Variants in ANTXRL observed in about 807,000 individuals in gnomAD.
ANTXRL encodes the protein ANTXR like, also known as anthrax toxin receptor-like.
A neutral mutation model predicts 75.4 loss-of-function variants in ANTXRL; 63 were observed. That is an observed-to-expected ratio of 0.84 (90% CI 0.68 to 1.03). ANTXRL has a LOEUF of 1.03. Among genes scored for constraint, ANTXRL ranks in the 50% least tolerant of loss-of-function variants. The pLI, the probability that ANTXRL is intolerant of heterozygous loss-of-function variation, is 0.00. For missense variants in ANTXRL, 797 were observed against 789.4 expected, an observed-to-expected ratio of 1.01 and a Z score of -0.12; for synonymous variants, 335 against 291.3, an observed-to-expected ratio of 1.15 and a Z score of -1.53.
rs181963859 is a variant in ANTXRL at position 46,329,703 on chromosome 10, G to C, written c.1515G>C (p.Gln505His). 3,294 of 1,535,976 alleles carry C rather than the reference G, an allele frequency of 2.1e-3. 60 individuals carry two copies. In the African/African-American group the frequency reaches 0.033, roughly 16 times the overall value. ...PHSQECLSLP[Q>H]APCSPRMCLR... Reference sequence around the variant, plus strand: ...GCCAGGAGTGCCTTTCCCTACCACAGGCTCCCTGCAGCCCAAGGATGTGCC... The same window carrying C: ...GCCAGGAGTGCCTTTCCCTACCACACGCTCCCTGCAGCCCAAGGATGTGCC... Residue 505 changes from glutamine (Q) to histidine (H), a missense_variant, in exon 17 of 17, where the codon CAG becomes CAC. Around this residue, in one of 3 missense-constraint regions of ANTXRL, gnomAD observed 479 missense variants for 422.0 expected, o/e 1.14. Coordinates refer to ENST00000620264, the MANE Select transcript of ANTXRL (RefSeq NM_001278688.3).
chr10:46,310,847 G>A (rs1838378679), intron 14 of ANTXRL, among the ~76,000 whole-genome samples: 1 of 152,140 alleles, frequency 6.6e-6, no homozygotes, highest in Admixed American at 6.5e-5. Context: ...CGTGTTTCAG[G>A]GACCTGGCCC....
At chr10:46,300,551 A>G (rs34470683) in intron 9 of ANTXRL, among the ~76,000 whole-genome samples, 39,124 of 151,046 alleles carry the variant, frequency 0.26, 4,649 homozygotes, top group African/African-American at 0.33. Context: ...CTCTTAGCAG[A>G]ACCCCCAGGC....
At chr10:46,290,661 T>C (rs1331078996) in intron 1 of ANTXRL, among the ~76,000 whole-genome samples, 1 of 152,200 alleles carries the variant, frequency 6.6e-6, no homozygotes, top group Non-Finnish European at 1.5e-5. Flanking sequence ...GAGGCTTTCA[T>C]TGGCATTTCC....
chr10:46,307,371 G>T (rs1413891560), intron 11 of ANTXRL, 31 bp from the exon 12 acceptor site: 1 of 1,466,168 alleles, frequency 6.8e-7, no homozygotes, highest in African/African-American at 1.4e-5. Context: ...CTCTGGACTG[G>T]CTCTCACCAT....
intron 16 of ANTXRL, among the ~76,000 whole-genome samples, chr10:46,320,708 G>T (rs1838938556): frequency 6.6e-6 from 1 of 152,116 alleles, no homozygotes; most frequent in Non-Finnish European, 1.5e-5. Flanking sequence ...CTCCAGCATG[G>T]GGTACACAGG....
chr10:46,293,520 TGC>T (rs138282924), intron 2 of ANTXRL, among the ~76,000 whole-genome samples: 57,297 of 146,754 alleles, frequency 0.39, 10,823 homozygotes, highest in Non-Finnish European at 0.47. Flanking sequence ...TGTGTGTGTG[TGC>T]CTCTGTGTGT....
intron 13 of ANTXRL, 139 bp from the exon 14 acceptor site, chr10:46,310,322 G>T: frequency 1.2e-6 from 1 of 805,370 alleles, no homozygotes; most frequent in Non-Finnish European, 2.1e-6. Context: ...AAGTTCACAG[G>T]CTCAGGGTGG....
chr10:46,305,678 G>A (rs1838036110), intron 10 of ANTXRL, among the ~76,000 whole-genome samples: 1 of 151,666 alleles, frequency 6.6e-6, no homozygotes, highest in Admixed American at 6.6e-5. Flanking sequence ...AAAGGGTGTG[G>A]GCTCAGGAGT....
In ANTXRL at chr10:46,296,074, A is replaced by G; in HGVS notation, c.448A>G (p.Thr150Ala). The G allele has an allele frequency of 6.5e-7, 1 of 1,536,040 alleles. No homozygotes were observed. The highest frequency in any genetic ancestry group is 8.7e-7 in the Non-Finnish European group (1 of 1,146,776). The change falls in exon 4 of 17, where the codon ACA (threonine) becomes GCA (alanine). Residue 150 changes from threonine to alanine, a missense_variant. Physicochemically the swap from Thr to Ala is moderately conservative, Grantham distance 58. Transcript: ENST00000620264. ...TCAGAAAATTGTGCCTGACGGTCACACATTCATGCAGGCAGGATTTAGAAA... is the reference window on the plus strand; with the variant it reads ...TCAGAAAATTGTGCCTGACGGTCACGCATTCATGCAGGCAGGATTTAGAAA... Reference protein sequence around the residue: ...QLQKIVPDGHTFMQAGFRKAI... With the variant: ...QLQKIVPDGHAFMQAGFRKAI...
At chr10:46,323,709 G>T (rs1234815393) in intron 16 of ANTXRL, among the ~76,000 whole-genome samples, 1 of 152,100 alleles carries the variant, frequency 6.6e-6, no homozygotes, top group Admixed American at 6.6e-5. Context: ...TCTTGAGTAG[G>T]AACTTCTAAT....
chr10:46,296,726 T>C (rs1256693085), intron 5 of ANTXRL, among the ~76,000 whole-genome samples: 2 of 152,130 alleles, frequency 1.3e-5, no homozygotes, highest in Non-Finnish European at 2.9e-5. Flanking sequence ...AGGAAAGGCG[T>C]TGAGGTGGCT....
Position 46,310,383 on chromosome 10 carries a change from G to A in ANTXRL, c.1135-78G>A, listed in dbSNP as rs1838351410. 4 of 1,368,814 alleles carry A rather than the reference G, an allele frequency of 2.9e-6. No homozygotes were observed. The Admixed American group carries it at 5.9e-5, about 20-fold the overall frequency. 84.8% of individuals were successfully genotyped at this position (1,368,814 alleles called of 1,614,324 possible). On this transcript the variant is annotated intron_variant, in intron 13 of 16. Transcript: ENST00000620264. Reference sequence around the variant, plus strand: ...CTCTGTCCTGGTGCTCCAGGCCAGGGTCCCAGCTGTGTGCAGGGCCAAGGC... The same window carrying A: ...CTCTGTCCTGGTGCTCCAGGCCAGGATCCCAGCTGTGTGCAGGGCCAAGGC...
intron 9 of ANTXRL, among the ~76,000 whole-genome samples, chr10:46,299,955 G>T (rs1554960099): frequency 6.6e-6 from 1 of 152,296 alleles, no homozygotes; most frequent in South Asian, 2.1e-4. Flanking sequence ...CCCCCTCGGG[G>T]TCTCTTTCTG....
rs782586069 is a variant in ANTXRL at position 46,287,416 on chromosome 10, C to G, written c.154C>G (p.His52Asp). The change falls in exon 1 of 17, where the codon CAC becomes GAC. Residue 52 changes from histidine (H) to aspartate (D), a missense_variant. Physicochemically the swap from His to Asp is moderately conservative, Grantham distance 81. Transcript: ENST00000620264. ...GGCCCTGGGCTCCAGGAGAGCCCAC[C>G]ACCACCATGGCCCAGGATGGAGGCA... is the stretch of plus-strand genomic sequence containing the variant. ...RLALGSRRAHHHHGPGWRQHW... is the reference protein window; with the variant it reads ...RLALGSRRAHDHHGPGWRQHW... The G allele has an allele frequency of 1.8e-5, 28 of 1,535,908 alleles. 1 individual carries two copies. The Middle Eastern group carries it at 2.7e-3, about 147-fold the overall frequency.
At position 46,313,415 on chromosome 10, in the gene ANTXRL, C is replaced by T. The variant is rs193231665; in HGVS notation, c.1410+99C>T. ...TTGGGGCTCAGAGAGCCATGTCAGG[C>T]ATCTGCAAAAGAGGACGGCACAAGA... On this transcript the variant is annotated intron_variant, in intron 16 of 16. Transcript: ENST00000620264. 449 of 1,267,796 alleles carry T rather than the reference C, an allele frequency of 3.5e-4. 3 individuals carry two copies. The African/African-American group carries it at 5.5e-3, about 16-fold the overall frequency. 78.5% of individuals were successfully genotyped at this position (1,267,796 alleles called of 1,614,324 possible). A position where few individuals can be genotyped will look rare whatever the true frequency, so the allele number is the denominator to read the frequency against.
intron 2 of ANTXRL, among the ~76,000 whole-genome samples, chr10:46,293,340 GTGTGCGTGCA>G (rs1442044312): frequency 2.7e-5 from 4 of 149,924 alleles, no homozygotes; most frequent in Non-Finnish European, 3.0e-5. Flanking sequence ...GTGTGTGCGT[GTGTGCGTGCA>G]TGTGTGTGCA....
intron 9 of ANTXRL, among the ~76,000 whole-genome samples, chr10:46,301,153 G>C (rs1363590780): frequency 6.6e-6 from 1 of 152,252 alleles, no homozygotes; most frequent in African/African-American, 2.4e-5. Context: ...ACCAAGGGGC[G>C]CAGGCCACAG....
intron 15 of ANTXRL, among the ~76,000 whole-genome samples, chr10:46,312,005 T>G (rs1373487781): frequency 1.4e-5 from 2 of 146,174 alleles, no homozygotes; most frequent in Admixed American, 6.9e-5. Flanking sequence ...CAGTGGCCCC[T>G]GGCTTTAGAC....
At chr10:46,308,550 C>T (rs1292137079) in intron 12 of ANTXRL, 1 of 429,228 alleles carries the variant, frequency 2.3e-6, no homozygotes, top group Admixed American at 2.5e-5. Flanking sequence ...GCGAAGAACA[C>T]CCAGAGAACT....
Sources: allele counts gnomAD v4.1 joint callset (sites outside exome capture counted in the v4.1 genomes callset), GRCh38; gene constraint gnomAD v4.1.1; regional missense constraint gnomAD v4.1.1; transcripts MANE v1.5; gene names NCBI Gene and HGNC (gene_info 2026-07-23, HGNC 2026-07-21).